The following MET variants were observed in gnomAD, a reference collection of about 807,000 sequenced individuals.
The protein encoded by MET is MET proto-oncogene, receptor tyrosine kinase.
Under a neutral mutation model 133.1 loss-of-function variants are expected in MET, and 48 were observed. The observed-to-expected ratio is 0.36, with a 90% confidence interval of 0.29 to 0.46. The LOEUF (loss-of-function observed/expected upper bound fraction) is 0.46, where lower values mean the gene tolerates loss of function less well. MET is among the 20% of genes least tolerant of loss of function. The pLI, the probability that MET is intolerant of heterozygous loss-of-function variation, is 1.00. For synonymous variants in MET, 628 were observed against 616.5 expected, an observed-to-expected ratio of 1.02 and a Z score of -0.28; for missense variants, 1,442 against 1,695.9, an observed-to-expected ratio of 0.85 and a Z score of 2.63.
intron 1 of MET, among the ~76,000 whole-genome samples, chr7:116,678,654 C>G (rs1485164082): frequency 6.6e-6 from 1 of 152,136 alleles, no homozygotes; most frequent in Admixed American, 6.5e-5. Flanking sequence ...AAAACCCAGC[C>G]AAGGTTTGGG....
chr7:116,716,271 AGGAGGGAGAGAG>A (rs1792187984), intron 2 of MET, among the ~76,000 whole-genome samples: 1 of 105,176 alleles, frequency 9.5e-6, no homozygotes, highest in South Asian at 3.9e-4. Context: ...GCAAGAGGGA[AGGAGGGAGAGAG>A]GGAGAGAGAG....
At chr7:116,714,745 GCACACACACACACACA>G (rs142954535) in intron 2 of MET, among the ~76,000 whole-genome samples, 3 of 145,020 alleles carry the variant, frequency 2.1e-5, no homozygotes, top group Non-Finnish European at 4.5e-5. Context: ...TCACATGCAC[GCACACACACACACACA>G]CACACACACA....
chr7:116,688,346 C>G (rs1220133688), intron 1 of MET, among the ~76,000 whole-genome samples: 1 of 152,162 alleles, frequency 6.6e-6, no homozygotes, highest in Non-Finnish European at 1.5e-5. Context: ...GCTACACAGT[C>G]TGAATCACAA....
chr7:116,718,267 T>C (rs1308356152), intron 2 of MET, among the ~76,000 whole-genome samples: 2 of 152,010 alleles, frequency 1.3e-5, no homozygotes, highest in Admixed American at 6.5e-5. Flanking sequence ...CGGGCACCTG[T>C]AGTCTCAGCT....
At chr7:116,700,450 C>T (rs917008760) in intron 2 of MET, among the ~76,000 whole-genome samples, 166 bp downstream of exon 2, 4 of 151,514 alleles carry the variant, frequency 2.6e-5, no homozygotes, top group African/African-American at 7.3e-5. Context: ...TCTTCATTTA[C>T]ACCTAAAATT....
chr7:116,707,541 T>C (rs1272722489), intron 2 of MET, among the ~76,000 whole-genome samples: 1 of 152,174 alleles, frequency 6.6e-6, no homozygotes, highest in Non-Finnish European at 1.5e-5. Flanking sequence ...TAGTTAAAAT[T>C]TGTGTCTGTG....
At chr7:116,764,024 T>G (rs1794513147) in intron 11 of MET, among the ~76,000 whole-genome samples, 1 of 152,184 alleles carries the variant, frequency 6.6e-6, no homozygotes, top group Non-Finnish European at 1.5e-5. Context: ...GTTAAAACAT[T>G]TAGAATTTTT....
chr7:116,758,438 T>C lies in MET; in HGVS notation c.2103-21T>C, dbSNP rs752234308. Reference sequence around the variant, plus strand: ...GTATCTCTAATAGCTAAAATTCACTTCCTTAATTTTTTTTGTTCAGTGTGT... The same window carrying C: ...GTATCTCTAATAGCTAAAATTCACTCCCTTAATTTTTTTTGTTCAGTGTGT... On this transcript the variant is annotated intron_variant, in intron 8 of 20. Coordinates refer to ENST00000397752, the MANE Select transcript of MET (RefSeq NM_000245.4). 6 of 1,608,916 alleles carry C rather than the reference T, an allele frequency of 3.7e-6. No individual in the cohort carries two copies. In the Admixed American group the frequency reaches 5.0e-5, roughly 13 times the overall value.
Position 116,795,805 on chromosome 7 carries a change from C to G in MET, c.3935+14C>G, listed in dbSNP as rs1215580408. The G allele has an allele frequency of 3.1e-6, 5 of 1,614,188 alleles. No individual in the cohort carries two copies. The Admixed American group carries it at 5.0e-5, about 16-fold the overall frequency. ...CCCAGACCCCTTGTAAGTAGTCTTT[C>G]TGTACCTCTTACGTTCTTTACTTTT... On this transcript the variant is annotated intron_variant, in intron 20 of 20. Coordinates refer to ENST00000397752, the MANE Select transcript of MET (RefSeq NM_000245.4).
Position 116,781,987 on chromosome 7 carries a change from G to A in MET, c.3523-1G>A. ...GCTTTTCTAACTCTCTTTGACTGCAGAATCCAACTGTAAAAGATCTTATTG... is the reference window on the plus strand; with the variant it reads ...GCTTTTCTAACTCTCTTTGACTGCAAAATCCAACTGTAAAAGATCTTATTG... On this transcript the variant is annotated splice_acceptor_variant, in intron 17 of 20. Transcript: ENST00000397752. LOFTEE classifies it high-confidence loss of function. The A allele has an allele frequency of 6.2e-7, 1 of 1,602,746 alleles. No homozygotes were observed. Among genetic ancestry groups the A allele is most frequent in the Non-Finnish European group, 8.5e-7 (1 of 1,169,972 alleles).
At chr7:116,769,608 A>T (rs1425540494) in intron 11 of MET, 37 bp from the exon 12 acceptor site, 1 of 1,602,690 alleles carries the variant, frequency 6.2e-7, no homozygotes, top group African/African-American at 1.4e-5. Context: ...CAGAACTGTG[A>T]AGTGTTAACA....
intron 19 of MET, among the ~76,000 whole-genome samples, chr7:116,784,244 A>T (rs1795243389): frequency 6.6e-6 from 1 of 152,226 alleles, no homozygotes; most frequent in African/African-American, 2.4e-5. Flanking sequence ...AGAAAAATAT[A>T]CTTATACTAG....
intron 5 of MET, among the ~76,000 whole-genome samples, chr7:116,743,850 A>G (rs942182192): frequency 2.0e-5 from 3 of 152,192 alleles, no homozygotes; most frequent in African/African-American, 4.8e-5. Flanking sequence ...ATAGGCAGCA[A>G]TCTTTGCTGT....
intron 12 of MET, among the ~76,000 whole-genome samples, chr7:116,770,903 A>G (rs997826108): frequency 9.2e-5 from 14 of 152,198 alleles, no homozygotes; most frequent in African/African-American, 3.1e-4. Flanking sequence ...TTAGAAAATC[A>G]AAGGCTGAAT....
At chr7:116,735,284 C>A (rs536771698) in intron 3 of MET, among the ~76,000 whole-genome samples, 1 of 152,288 alleles carries the variant, frequency 6.6e-6, no homozygotes, top group South Asian at 2.1e-4. Flanking sequence ...TCTCTTCTGC[C>A]TCTTAACTGG....
intron 11 of MET, among the ~76,000 whole-genome samples, chr7:116,765,795 A>G (rs1794605341): frequency 6.6e-6 from 1 of 152,186 alleles, no homozygotes; most frequent in Admixed American, 6.5e-5. Context: ...ATGTGGACCC[A>G]TGAGGTTGGG....
At chr7:116,721,252 A>G (rs1394809365) in intron 2 of MET, among the ~76,000 whole-genome samples, 1 of 152,216 alleles carries the variant, frequency 6.6e-6, no homozygotes, top group Non-Finnish European at 1.5e-5. Context: ...CATTTCTTCT[A>G]GATTTTCTAG....
In MET at chr7:116,763,106, A is replaced by G. The variant is rs752535640; in HGVS notation, c.2421A>G (p.Gln807=). 9 of 1,614,098 alleles carry G rather than the reference A, an allele frequency of 5.6e-6. No individual in the cohort carries two copies. The highest frequency in any genetic ancestry group is 5.5e-5 in the South Asian group (5 of 91,078). The change falls in exon 11 of 21, where the codon CAA becomes CAG. Residue 807 remains glutamine (Q), a synonymous_variant. Coordinates refer to ENST00000397752, the MANE Select transcript of MET (RefSeq NM_000245.4). ...TCTGTTGTACCACTCCTTCCCTGCA[A>G]CAGCTGAATCTGCAACTCCCCCTGA... ...EIICCTTPSL[Q]QLNLQLPLKT... is the part of the protein sequence containing the mutation.
At chr7:116,770,942 G>A (rs989198149) in intron 12 of MET, among the ~76,000 whole-genome samples, 1 of 152,108 alleles carries the variant, frequency 6.6e-6, no homozygotes, top group Non-Finnish European at 1.5e-5. Context: ...ATTTCAGAAG[G>A]ACCATAAATC....
Sources: allele counts gnomAD v4.1 joint callset (sites outside exome capture counted in the v4.1 genomes callset), GRCh38; gene constraint gnomAD v4.1.1; transcripts MANE v1.5; gene names NCBI Gene and HGNC (gene_info 2026-07-23, HGNC 2026-07-21).